Variants in TAF13 observed in about 807,000 individuals in gnomAD.
TAF13 encodes transcription initiation factor TFIID subunit 13.
TAF13 carries 9 observed loss-of-function variants against 18.7 expected under a neutral mutation model. The ratio of observed to expected loss-of-function variants is 0.48; its 90% CI spans 0.29 to 0.84. TAF13 has a LOEUF of 0.84. Ranked by LOEUF, TAF13 falls within the 40% of genes least tolerant of loss-of-function variation. The probability of loss-of-function intolerance (pLI) is 0.08; values close to 1 mark genes in which losing one functional copy is unlikely to be tolerated. For synonymous variants in TAF13, 49 were observed against 44.1 expected (o/e 1.11, Z -0.44); for missense variants, 105 against 146.5 (o/e 0.72, Z 1.46).
intron 2 of TAF13, among the ~76,000 whole-genome samples, chr1:109,070,263 G>C (rs1664026482): frequency 6.6e-6 from 1 of 152,022 alleles, no homozygotes; most frequent in African/African-American, 2.4e-5. Context: ...TCTGTCACCA[G>C]GCTGGAGTTC....
At chr1:109,067,652 A>AT (rs575710457) in intron 2 of TAF13, among the ~76,000 whole-genome samples, 9 of 152,150 alleles carry the variant, frequency 5.9e-5, no homozygotes, top group Non-Finnish European at 1.3e-4. Flanking sequence ...CTCAAAAATA[A>AT]TAAGAGAGAA....
At chr1:109,072,051 C>CATAT (rs1216801737) in intron 2 of TAF13, among the ~76,000 whole-genome samples, 4 of 4,740 alleles carry the variant, frequency 8.4e-4, no homozygotes, top group African/African-American at 2.7e-3. Context: ...TATACACACA[C>CATAT]ATATATATAT....
In TAF13 at chr1:109,064,355, C is replaced by T. The variant is rs1663914723; in HGVS notation, c.*168G>A. 4 of 496,502 alleles carry T rather than the reference C, an allele frequency of 8.1e-6. No homozygotes were observed. In the Admixed American group the frequency reaches 1.7e-4, roughly 21 times the overall value. The allele number at this position is 496,502 out of a possible 1,614,324, so 30.8% of individuals were successfully genotyped here. A position where few individuals can be genotyped will look rare whatever the true frequency, so the allele number is the denominator to read the frequency against. ...ATGGTAATATAAAGGCAGGCAATTACATGCACCAATATCACCCTAAAATCA... is the reference window on the plus strand; with the variant it reads ...ATGGTAATATAAAGGCAGGCAATTATATGCACCAATATCACCCTAAAATCA... On this transcript the variant is annotated 3_prime_UTR_variant, in exon 4 of 4. Transcript: ENST00000338366.
chr1:109,065,089 A>C (rs1412823482), intron 3 of TAF13, among the ~76,000 whole-genome samples: 1 of 152,216 alleles, frequency 6.6e-6, no homozygotes, highest in African/African-American at 2.4e-5. Flanking sequence ...TTTTCTAAAA[A>C]TCAAATAACT....
chr1:109,066,038 T>C, intron 3 of TAF13, 97 bp downstream of exon 3: 1 of 1,000,290 alleles, frequency 1.0e-6, no homozygotes, highest in Non-Finnish European at 1.5e-6. Context: ...ATGGATAGCT[T>C]ATTTCAAAGG....
At chr1:109,069,806 T>G (rs1472546480) in intron 2 of TAF13, among the ~76,000 whole-genome samples, 1 of 151,932 alleles carries the variant, frequency 6.6e-6, no homozygotes, top group Admixed American at 6.6e-5. Flanking sequence ...GATAGACATA[T>G]CCCTAGGGTT....
At chr1:109,073,568 G>C (rs1346475077) in intron 2 of TAF13, among the ~76,000 whole-genome samples, 1 of 152,110 alleles carries the variant, frequency 6.6e-6, no homozygotes, top group Non-Finnish European at 1.5e-5. Flanking sequence ...GGGTTTCGCC[G>C]TGTTGGCCGG....
chr1:109,068,085 G>A (rs1663982421), intron 2 of TAF13, among the ~76,000 whole-genome samples: 1 of 152,038 alleles, frequency 6.6e-6, no homozygotes, highest in Non-Finnish European at 1.5e-5. Flanking sequence ...CAACCTCCCT[G>A]GCTCACGTGA....
intron 2 of TAF13, among the ~76,000 whole-genome samples, chr1:109,072,803 C>CA (rs1179105809): frequency 3.0e-5 from 4 of 132,616 alleles, no homozygotes; most frequent in South Asian, 2.4e-4. Context: ...TTTTTTAAGA[C>CA]AGAGTCTTGC....
At chr1:109,068,650 G>T (rs981566463) in intron 2 of TAF13, among the ~76,000 whole-genome samples, 1 of 152,076 alleles carries the variant, frequency 6.6e-6, no homozygotes, top group African/African-American at 2.4e-5. Flanking sequence ...ACCCAGCTGA[G>T]ATCCACAGAG....
intron 2 of TAF13, among the ~76,000 whole-genome samples, chr1:109,071,545 G>T (rs927160157): frequency 6.6e-6 from 1 of 151,988 alleles, no homozygotes; most frequent in African/African-American, 2.4e-5. Context: ...AAGAGTTAAA[G>T]GTTGCAGTGA....
At chr1:109,072,212 T>C (rs1328097613) in intron 2 of TAF13, among the ~76,000 whole-genome samples, 1 of 149,748 alleles carries the variant, frequency 6.7e-6, no homozygotes, top group East Asian at 2.0e-4. Context: ...ATAAATCATA[T>C]TCATAAATCT....
chr1:109,069,302 C>T (rs1466400297), intron 2 of TAF13, among the ~76,000 whole-genome samples: 1 of 152,114 alleles, frequency 6.6e-6, no homozygotes, highest in Admixed American at 6.6e-5. Context: ...TCTGCAGATG[C>T]TCAAATCCCA....
At chr1:109,066,871 C>A (rs533038738) in intron 2 of TAF13, among the ~76,000 whole-genome samples, 60 of 152,164 alleles carry the variant, frequency 3.9e-4, no homozygotes, top group Non-Finnish European at 7.1e-4. Flanking sequence ...AGGCACCCAC[C>A]ACCACGCCCG....
Position 109,064,174 on chromosome 1 carries a change from A to AAAAAAAAAAAAC in TAF13, c.*348_*349insGTTTTTTTTTTT, listed in dbSNP as rs1426509663. On this transcript the variant is annotated 3_prime_UTR_variant, in exon 4 of 4. Coordinates refer to ENST00000338366, the MANE Select transcript of TAF13 (RefSeq NM_005645.4). ...TCCATCTCAAAAAAAAAAAAAAAAA[A>AAAAAAAAAAAAC]AAAAAAAGCTACAGTATAGCTTACA... is the stretch of plus-strand genomic sequence containing the variant. 6.6e-6 allele frequency: 1 copy of AAAAAAAAAAAAC among 150,472 alleles called. No homozygotes were observed. The highest frequency in any genetic ancestry group is 1.9e-4 in the East Asian group (1 of 5,348). 9.3% of individuals were successfully genotyped at this position (150,472 alleles called of 1,614,324 possible).
intron 3 of TAF13, 99 bp downstream of exon 3, chr1:109,066,036 C>G: frequency 1.0e-6 from 1 of 972,446 alleles, no homozygotes; most frequent in Non-Finnish European, 1.5e-6. Flanking sequence ...AAATGGATAG[C>G]TTATTTCAAA....
chr1:109,065,852 C>T (rs141695235), intron 3 of TAF13, among the ~76,000 whole-genome samples: 1,727 of 148,714 alleles, frequency 0.012, 20 homozygotes, highest in Middle Eastern at 0.039. Flanking sequence ...ATCCGGGAGA[C>T]GGAGGTTGCA....
rs1262088218 is a variant in TAF13 at position 109,075,925 on chromosome 1, G to A, written c.23C>T (p.Pro8Leu). Residue 8 changes from proline (P) to leucine (L), a missense_variant, in exon 1 of 4, where the codon CCC (proline) becomes CTC (leucine). By Grantham distance (98) the Pro-to-Leu change is moderately conservative. Coordinates refer to ENST00000338366, the MANE Select transcript of TAF13 (RefSeq NM_005645.4). ...TGGACAGAGACGGTCACTCACCGTG[G>A]GGTCTTCTTCCTCATCTGCCATCCC... is the stretch of plus-strand genomic sequence containing the variant. MADEEED[P>L]TFEEENEEIG... 1 of 1,614,216 alleles carries A rather than the reference G, an allele frequency of 6.2e-7. No homozygotes were observed. Among genetic ancestry groups the A allele is most frequent in the South Asian group, 1.1e-5 (1 of 91,086 alleles).
intron 3 of TAF13, 82 bp from the exon 4 acceptor site, chr1:109,064,775 G>A (rs1663923297): frequency 8.8e-7 from 1 of 1,137,130 alleles, no homozygotes; most frequent in African/African-American, 1.6e-5. Context: ...AATTGCAAGT[G>A]AGGTAGAAGA....
Sources: allele counts gnomAD v4.1 joint callset (sites outside exome capture counted in the v4.1 genomes callset), GRCh38; gene constraint gnomAD v4.1.1; transcripts MANE v1.5; gene names NCBI Gene and HGNC (gene_info 2026-07-23, HGNC 2026-07-21).